The following CRTC1 variants were observed in gnomAD, a reference collection of about 807,000 sequenced individuals.
The protein encoded by CRTC1 is CREB-regulated transcription coactivator 1.
Under a neutral mutation model 66.1 loss-of-function variants are expected in CRTC1, and 18 were observed. That is an observed-to-expected ratio of 0.27 (90% CI 0.19 to 0.40). The LOEUF is 0.40. CRTC1 is among the 10% of genes least tolerant of loss of function. CRTC1 has a pLI of 1.00. For synonymous variants in CRTC1, 416 were observed against 398.8 expected, an observed-to-expected ratio of 1.04 and a Z score of -0.51; for missense variants, 669 against 887.9, an observed-to-expected ratio of 0.75 and a Z score of 3.13.
intron 1 of CRTC1, among the ~76,000 whole-genome samples, chr19:18,719,584 G>A (rs1307362821): frequency 6.6e-6 from 1 of 152,246 alleles, no homozygotes; most frequent in Non-Finnish European, 1.5e-5. Flanking sequence ...CTTTGTCTTA[G>A]CCGTCCTGGG....
rs2054775662 is a variant in CRTC1 at position 18,768,080 on chromosome 19, G to C, written c.1012-405G>C. Among the ~76,000 whole-genome samples the C allele has an allele frequency of 6.6e-6, 1 of 152,200 alleles. No individual in the cohort carries two copies. The highest frequency in any genetic ancestry group is 2.4e-5 in the African/African-American group (1 of 41,444). On this transcript the variant is annotated intron_variant, in intron 9 of 13. Transcript: ENST00000321949. This position sits in a 1 kb window ranked among gnomAD's most constrained non-coding sequence, Gnocchi z 5.6. ...CCCAGAGTGGGCAAGGCTTTGGGCGGGGGGGTTTGGGAAGGCAAGGCCAGT... is the reference window on the plus strand; with the variant it reads ...CCCAGAGTGGGCAAGGCTTTGGGCGCGGGGGTTTGGGAAGGCAAGGCCAGT...
intron 1 of CRTC1, among the ~76,000 whole-genome samples, chr19:18,717,090 CAT>C (rs796895335): frequency 9.3e-4 from 141 of 152,316 alleles, no homozygotes; most frequent in African/African-American, 2.9e-3. Flanking sequence ...AGTGTGCACA[CAT>C]GTGGCTGGGT....
chr19:18,687,060 G>T (rs1438215922), intron 1 of CRTC1, among the ~76,000 whole-genome samples: 1 of 133,396 alleles, frequency 7.5e-6, no homozygotes, highest in Non-Finnish European at 1.5e-5. Context: ...CTGTTGCCCA[G>T]GCTGGAGTGC....
intron 9 of CRTC1, among the ~76,000 whole-genome samples, chr19:18,766,008 G>T (rs2054726389): frequency 6.6e-6 from 1 of 151,964 alleles, no homozygotes; most frequent in South Asian, 2.1e-4. Flanking sequence ...TTTTCAATTT[G>T]CTGTATTTGC....
chr19:18,719,416 G>C (rs955100399), intron 1 of CRTC1, among the ~76,000 whole-genome samples: 6 of 152,228 alleles, frequency 3.9e-5, no homozygotes, highest in African/African-American at 1.4e-4. Flanking sequence ...AGGGCTGTGA[G>C]GGCACTCAAG....
chr19:18,690,610 GT>G (rs1237944162), intron 1 of CRTC1, among the ~76,000 whole-genome samples: 1 of 152,144 alleles, frequency 6.6e-6, no homozygotes, highest in East Asian at 1.9e-4. Context: ...TTCTAGCCCT[GT>G]AACCCGTGAA....
rs921230223 is a variant in CRTC1 at position 18,760,716 on chromosome 19, G to A, written c.886+488G>A. ...CCTCAGCCACATCCACAGGGACGTC[G>A]CACAGGCCCCTCGCCCGTCCCAATA... On this transcript the variant is annotated intron_variant, in intron 8 of 13. Transcript: ENST00000321949. The surrounding 1 kb of genome is among the most constrained non-coding windows in gnomAD (Gnocchi z 6.2). 6.6e-6 allele frequency among the ~76,000 whole-genome samples: 1 copy of A among 151,732 alleles called. No homozygotes were observed. The highest frequency in any genetic ancestry group is 2.4e-5 in the African/African-American group (1 of 41,228).
intron 2 of CRTC1, among the ~76,000 whole-genome samples, chr19:18,744,865 G>A (rs762362996): frequency 1.3e-5 from 2 of 152,146 alleles, no homozygotes; most frequent in Middle Eastern, 3.2e-3. Flanking sequence ...AACTCTGGCC[G>A]AGGCTGGGAC....
chr19:18,755,271 T>C (rs2054458503), intron 6 of CRTC1, among the ~76,000 whole-genome samples: 1 of 151,868 alleles, frequency 6.6e-6, no homozygotes, highest in Non-Finnish European at 1.5e-5. Context: ...TGACAGGCTC[T>C]TTTTTTTAGA....
intron 1 of CRTC1, among the ~76,000 whole-genome samples, chr19:18,687,283 C>T (rs1321955071): frequency 6.6e-6 from 1 of 152,124 alleles, no homozygotes; most frequent in African/African-American, 2.4e-5. Context: ...CTCGGCCTCC[C>T]AAATTGCTGG....
At position 18,739,445 on chromosome 19, in the gene CRTC1, G is replaced by A. The variant is rs548305285; in HGVS notation, c.127-3465G>A. 8.5e-5 allele frequency among the ~76,000 whole-genome samples: 13 copies of A among 152,348 alleles called. No homozygotes were observed. In the South Asian group the frequency reaches 1.9e-3, roughly 22 times the overall value. The stretch of plus-strand genomic sequence containing the variant: ...TTAAGTGCTTGTACAGCCTCCAGAC[G>A]GGCCTGTCACCTGGCTTGTGAAGTC... On this transcript the variant is annotated intron_variant, in intron 1 of 13. Transcript: ENST00000321949.
intron 1 of CRTC1, among the ~76,000 whole-genome samples, chr19:18,721,354 C>T (rs918880748): frequency 7.9e-5 from 12 of 151,998 alleles, no homozygotes; most frequent in East Asian, 3.9e-4. Flanking sequence ...CCACCATGCC[C>T]GGCTAATTTT....
chr19:18,768,081 G>A lies in CRTC1; in HGVS notation c.1012-404G>A, dbSNP rs1351310012. 1.3e-5 allele frequency among the ~76,000 whole-genome samples: 2 copies of A among 152,216 alleles called. No homozygotes were observed. The highest frequency in any genetic ancestry group is 2.9e-5 in the Non-Finnish European group (2 of 68,028). ...CCAGAGTGGGCAAGGCTTTGGGCGG[G>A]GGGGTTTGGGAAGGCAAGGCCAGTG... On this transcript the variant is annotated intron_variant, in intron 9 of 13. Coordinates refer to ENST00000321949, the MANE Select transcript of CRTC1 (RefSeq NM_015321.3). The surrounding 1 kb of genome is among the most constrained non-coding windows in gnomAD (Gnocchi z 5.6).
chr19:18,714,937 C>T (rs76084517), intron 1 of CRTC1, among the ~76,000 whole-genome samples: 1,747 of 152,374 alleles, frequency 0.011, 37 homozygotes, highest in African/African-American at 0.04. Context: ...GAAGGATTTC[C>T]GTGCCTGTTC....
chr19:18,737,976 T>A (rs2054035633), intron 1 of CRTC1, among the ~76,000 whole-genome samples: 1 of 152,168 alleles, frequency 6.6e-6, no homozygotes. Flanking sequence ...ATATTATCAG[T>A]GAGGCTTCCA....
At chr19:18,734,774 T>C (rs1003009134) in intron 1 of CRTC1, among the ~76,000 whole-genome samples, 1 of 152,146 alleles carries the variant, frequency 6.6e-6, no homozygotes, top group Non-Finnish European at 1.5e-5. Context: ...TTTCCAGAGG[T>C]GGGCAGTGGC....
intron 1 of CRTC1, among the ~76,000 whole-genome samples, chr19:18,736,169 C>T (rs2053992811): frequency 6.6e-6 from 1 of 152,222 alleles, no homozygotes; most frequent in Admixed American, 6.5e-5. Context: ...GGCACACATC[C>T]CCGCCTGCGG....
intron 1 of CRTC1, among the ~76,000 whole-genome samples, chr19:18,725,925 C>T (rs536848190): frequency 1.1e-4 from 17 of 152,360 alleles, no homozygotes; most frequent in African/African-American, 4.1e-4. Flanking sequence ...CTGGGGACAT[C>T]CCAGGGACGG....
At chr19:18,755,486 A>G (rs192160536) in intron 6 of CRTC1, among the ~76,000 whole-genome samples, 2 of 149,740 alleles carry the variant, frequency 1.3e-5, no homozygotes, top group East Asian at 2.0e-4. Context: ...CTGGAGTGCA[A>G]TGGTAGGAAC....
Sources: allele counts gnomAD v4.1 joint callset (sites outside exome capture counted in the v4.1 genomes callset), GRCh38; gene constraint gnomAD v4.1.1; non-coding constraint Gnocchi (gnomAD v3.1); transcripts MANE v1.5; gene names NCBI Gene and HGNC (gene_info 2026-07-23, HGNC 2026-07-21).